Variants in MGMT observed in about 807,000 individuals in gnomAD.
MGMT encodes methylated-DNA--protein-cysteine methyltransferase.
MGMT carries 14 observed loss-of-function variants against 15.9 expected under a neutral mutation model. The observed-to-expected ratio is 0.88, with a 90% CI of 0.58 to 1.37. The LOEUF (loss-of-function observed/expected upper bound fraction) is 1.37. Ranked by LOEUF, MGMT falls within the 40% of genes most tolerant of loss-of-function variation. The probability of loss-of-function intolerance (pLI) is 0.00; values close to 1 mark genes in which losing one functional copy is unlikely to be tolerated. For synonymous variants in MGMT, 130 were observed against 118.2 expected, an observed-to-expected ratio of 1.10 and a Z score of -0.65; for missense variants, 282 against 268.1, an observed-to-expected ratio of 1.05 and a Z score of -0.36.
chr10:129,693,141 A>G (rs2133129369), intron 2 of MGMT, among the ~76,000 whole-genome samples: 1 of 152,336 alleles, frequency 6.6e-6, no homozygotes, highest in South Asian at 2.1e-4. Flanking sequence ...GTGTAAGTCC[A>G]TGTTAACAAA....
chr10:129,728,879 ATATT>A (rs995148241), intron 3 of MGMT, among the ~76,000 whole-genome samples: 16 of 152,134 alleles, frequency 1.1e-4, no homozygotes, highest in Non-Finnish European at 1.9e-4. Context: ...TGCTCACAGA[ATATT>A]TATTAAGAAT....
chr10:129,759,158 A>C (rs368904245), intron 3 of MGMT, 44 bp from the exon 4 acceptor site: 98 of 1,610,644 alleles, frequency 6.1e-5, no homozygotes, highest in Non-Finnish European at 8.3e-5. Flanking sequence ...AGAGCTGCTG[A>C]AGCCGTTTGT....
At chr10:129,687,334 C>G (rs1350549339) in intron 2 of MGMT, among the ~76,000 whole-genome samples, 1 of 151,972 alleles carries the variant, frequency 6.6e-6, no homozygotes, top group Non-Finnish European at 1.5e-5. Context: ...CTCTCATAGC[C>G]CGACGTATCA....
chr10:129,746,951 A>T (rs1268392598), intron 3 of MGMT, among the ~76,000 whole-genome samples: 2 of 152,160 alleles, frequency 1.3e-5, no homozygotes, highest in Non-Finnish European at 2.9e-5. Context: ...TGATATTGAG[A>T]TTTCCATGAA....
chr10:129,732,218 G>A (rs1247545047), intron 3 of MGMT, among the ~76,000 whole-genome samples: 2 of 151,718 alleles, frequency 1.3e-5, no homozygotes, highest in Non-Finnish European at 1.5e-5. Flanking sequence ...GGTTTGTTAC[G>A]TAGGTATACA....
chr10:129,696,254 T>A (rs752907587), intron 2 of MGMT, among the ~76,000 whole-genome samples: 3 of 152,210 alleles, frequency 2.0e-5, no homozygotes, highest in Non-Finnish European at 4.4e-5. Context: ...AAGGTGGTGC[T>A]TGAAGGATTT....
At chr10:129,638,870 A>G (rs555009978) in intron 2 of MGMT, among the ~76,000 whole-genome samples, 9 of 152,304 alleles carry the variant, frequency 5.9e-5, no homozygotes, top group African/African-American at 2.2e-4. Flanking sequence ...TTGAGGGTAA[A>G]TGGATGGAAA....
intron 1 of MGMT, among the ~76,000 whole-genome samples, chr10:129,512,224 A>C (rs1845691630): frequency 6.6e-6 from 1 of 152,000 alleles, no homozygotes; most frequent in Admixed American, 6.5e-5. Context: ...GATCAGTTTC[A>C]CCTGTTTGCG....
intron 3 of MGMT, among the ~76,000 whole-genome samples, chr10:129,755,423 A>G (rs915671443): frequency 3.9e-5 from 6 of 152,204 alleles, no homozygotes; most frequent in African/African-American, 1.4e-4. Flanking sequence ...TGGCCACAGC[A>G]CAGCTACTGA....
In MGMT at chr10:129,604,331, G is replaced by A. The variant is rs542065680; in HGVS notation, c.125+67954G>A. Among the ~76,000 whole-genome samples the A allele has an allele frequency of 2.0e-5, 3 of 152,290 alleles. No homozygotes were observed. In the East Asian group the frequency reaches 5.8e-4, roughly 29 times the overall value. ...AGCACTTAATTCTGAAATAAGTCAT[G>A]CCTGTTGTTACACTCAGAAAAATAT... On this transcript the variant is annotated intron_variant, in intron 2 of 4. Transcript: ENST00000651593.
intron 2 of MGMT, among the ~76,000 whole-genome samples, chr10:129,568,384 A>C (rs1284156790): frequency 6.6e-6 from 1 of 152,184 alleles, no homozygotes; most frequent in African/African-American, 2.4e-5. Context: ...AGGAGCCCTC[A>C]CTCAGGAAGC....
chr10:129,665,915 A>G (rs758117210), intron 2 of MGMT, among the ~76,000 whole-genome samples: 2 of 152,218 alleles, frequency 1.3e-5, no homozygotes, highest in Non-Finnish European at 2.9e-5. Context: ...GAAATTGGCT[A>G]TGGATTATAT....
chr10:129,666,355 TTC>T (rs374819764), intron 2 of MGMT, among the ~76,000 whole-genome samples: 87 of 152,288 alleles, frequency 5.7e-4, no homozygotes, highest in African/African-American at 1.3e-3. Flanking sequence ...CACAATGAAT[TTC>T]TGTTAATTTT....
intron 1 of MGMT, among the ~76,000 whole-genome samples, chr10:129,502,694 G>C (rs1032167246): frequency 6.6e-6 from 1 of 152,024 alleles, no homozygotes; most frequent in Non-Finnish European, 1.5e-5. Context: ...CTAAATTTCC[G>C]TGCTCCCTGT....
At chr10:129,569,522 G>A (rs1281384469) in intron 2 of MGMT, among the ~76,000 whole-genome samples, 1 of 152,152 alleles carries the variant, frequency 6.6e-6, no homozygotes, top group Non-Finnish European at 1.5e-5. Context: ...GACGGCCCCT[G>A]CTGTTGCCTG....
At chr10:129,740,844 G>C (rs1402280537) in intron 3 of MGMT, among the ~76,000 whole-genome samples, 1 of 152,182 alleles carries the variant, frequency 6.6e-6, no homozygotes, top group Non-Finnish European at 1.5e-5. Context: ...ACACTGAACC[G>C]AGCCTGGTAC....
At position 129,768,183 on chromosome 10, in the gene MGMT, G is replaced by T. The variant is rs1848960688; in HGVS notation, c.*1186G>T. 6.6e-6 allele frequency among the ~76,000 whole-genome samples: 1 copy of T among 152,204 alleles called. No homozygotes were observed. Among genetic ancestry groups the T allele is most frequent in the African/African-American group, 2.4e-5 (1 of 41,454 alleles). ...AAAATGTGGCCTCACGATGTGTATGGTTGGGACCCGCCTTCTATTTCATTT... is the reference window on the plus strand; with the variant it reads ...AAAATGTGGCCTCACGATGTGTATGTTTGGGACCCGCCTTCTATTTCATTT... On this transcript the variant is annotated 3_prime_UTR_variant, in exon 5 of 5. Coordinates refer to ENST00000651593, the MANE Select transcript of MGMT (RefSeq NM_002412.5).
intron 2 of MGMT, among the ~76,000 whole-genome samples, chr10:129,692,254 G>A (rs191830834): frequency 3.9e-5 from 6 of 152,314 alleles, no homozygotes; most frequent in Admixed American, 1.3e-4. Context: ...GCAGAGAGTG[G>A]TCAGGAATCA....
chr10:129,594,061 T>G (rs925987287), intron 2 of MGMT, among the ~76,000 whole-genome samples: 2 of 152,176 alleles, frequency 1.3e-5, no homozygotes, highest in African/African-American at 4.8e-5. Flanking sequence ...AAGTCCCTGT[T>G]TATGCGAGGC....
Sources: gnomAD v4.1 joint callset for allele counts (sites outside exome capture counted in the v4.1 genomes callset) on GRCh38, gnomAD v4.1.1 for gene constraint, MANE v1.5 for transcripts, NCBI Gene and HGNC (gene_info 2026-07-23, HGNC 2026-07-21) for gene names.